LPP: variants seen among roughly 807,000 people sequenced by gnomAD.
The protein encoded by LPP is LIM domain containing preferred translocation partner in lipoma.
Under a neutral mutation model 60.4 loss-of-function variants are expected in LPP, and 38 were observed. The ratio of observed to expected loss-of-function variants is 0.63; its 90% CI spans 0.49 to 0.83. The LOEUF is 0.83. LPP is among the 40% of genes least tolerant of loss of function. The pLI, the probability that LPP is intolerant of heterozygous loss-of-function variation, is 0.00. For synonymous variants in LPP, 328 were observed against 290.8 expected (o/e 1.13, Z -1.30); for missense variants, 902 against 783.6 (o/e 1.15, Z -1.80).
intron 3 of LPP, among the ~76,000 whole-genome samples, chr3:188,369,292 A>G (rs1424691233): frequency 6.6e-6 from 1 of 151,902 alleles, no homozygotes; most frequent in Non-Finnish European, 1.5e-5. Context: ...ATCACAGGAA[A>G]GTTTTTTTTT....
rs1560098679 is a variant in LPP at position 188,192,557 on chromosome 3, A to G, written c.-189-32848A>G. Among the ~76,000 whole-genome samples the G allele has an allele frequency of 2.0e-5, 3 of 152,362 alleles. No homozygotes were observed. In the South Asian group the frequency reaches 6.2e-4, roughly 32 times the overall value. Reference sequence around the variant, plus strand: ...TAGCAAACATTGTTTCTAATCTGACAGTAACTCCATGAAGTAGGAATTTTC... The same window carrying G: ...TAGCAAACATTGTTTCTAATCTGACGGTAACTCCATGAAGTAGGAATTTTC... On this transcript the variant is annotated intron_variant, in intron 1 of 11. Transcript: ENST00000617246.
In LPP at chr3:188,888,812, G is replaced by T; in HGVS notation, c.*14333G>T. On this transcript the variant is annotated 3_prime_UTR_variant, in exon 12 of 12. Coordinates refer to ENST00000617246, the MANE Select transcript of LPP (RefSeq NM_001375462.1). ...CTCTCAAGCGGCTACCGTGAAACGG[G>T]CTGCAAACACATTCCCTGAGCATCC... 4.5e-6 allele frequency: 1 copy of T among 221,182 alleles called. No individual in the cohort carries two copies. Among genetic ancestry groups the T allele is most frequent in the Non-Finnish European group, 9.1e-6 (1 of 110,310 alleles). The allele number at this position is 221,182 out of a possible 1,614,324, so 13.7% of individuals were successfully genotyped here. A position where few individuals can be genotyped will look rare whatever the true frequency, so the allele number is the denominator to read the frequency against.
At chr3:188,332,679 G>C (rs772312075) in intron 2 of LPP, among the ~76,000 whole-genome samples, 3 of 152,324 alleles carry the variant, frequency 2.0e-5, no homozygotes, top group South Asian at 2.1e-4. Flanking sequence ...TAATTTTAGT[G>C]ATCCAGATAT....
At chr3:188,752,114 C>T (rs182687407) in intron 8 of LPP, among the ~76,000 whole-genome samples, 1 of 152,286 alleles carries the variant, frequency 6.6e-6, no homozygotes, top group Admixed American at 6.5e-5. Context: ...AGAAGTAGGT[C>T]TCATGCTGGA....
chr3:188,544,305 G>A (rs1328038330), intron 6 of LPP, among the ~76,000 whole-genome samples: 4 of 152,180 alleles, frequency 2.6e-5, no homozygotes, highest in Non-Finnish European at 5.9e-5. Context: ...GAGTGGCTGT[G>A]TCACCCTGAG....
At chr3:188,422,688 C>T (rs962324423) in intron 4 of LPP, among the ~76,000 whole-genome samples, 1 of 152,152 alleles carries the variant, frequency 6.6e-6, no homozygotes, top group Non-Finnish European at 1.5e-5. Context: ...TGCAGAGCTA[C>T]ATAGTGTAAC....
intron 1 of LPP, among the ~76,000 whole-genome samples, chr3:188,154,987 A>G (rs1055926191): frequency 1.3e-5 from 2 of 152,334 alleles, no homozygotes; most frequent in South Asian, 4.1e-4. Flanking sequence ...TCCTGAAGCC[A>G]GCTAGCGGCT....
At chr3:188,504,176 C>A (rs1812782496) in intron 5 of LPP, among the ~76,000 whole-genome samples, 1 of 152,110 alleles carries the variant, frequency 6.6e-6, no homozygotes, top group Admixed American at 6.5e-5. Context: ...TTACTTTGAC[C>A]TCTCTTCAAG....
At chr3:188,673,328 T>TAAAC (rs67440944) in intron 7 of LPP, among the ~76,000 whole-genome samples, 149,735 of 152,076 alleles carry the variant, frequency 0.98, 73,750 homozygotes, top group East Asian at 1. Flanking sequence ...TGGAAACAAA[T>TAAAC]AACAACAACA....
chr3:188,224,730 G>C (rs1487545885), intron 1 of LPP, among the ~76,000 whole-genome samples: 1 of 152,084 alleles, frequency 6.6e-6, no homozygotes, highest in East Asian at 1.9e-4. Context: ...GTAGGCAGAG[G>C]AGTTGCCACA....
intron 6 of LPP, among the ~76,000 whole-genome samples, chr3:188,550,143 C>T (rs1827705323): frequency 6.6e-6 from 1 of 152,116 alleles, no homozygotes; most frequent in African/African-American, 2.4e-5. Context: ...ACAGAATCCC[C>T]CTATTGGACA....
At chr3:188,631,715 C>T (rs888416183) in intron 7 of LPP, among the ~76,000 whole-genome samples, 2 of 152,108 alleles carry the variant, frequency 1.3e-5, no homozygotes, top group Non-Finnish European at 2.9e-5. Flanking sequence ...ACTTCTGGTC[C>T]CACAAATCTG....
chr3:188,361,479 C>T (rs1351965383), intron 3 of LPP, among the ~76,000 whole-genome samples: 1 of 138,728 alleles, frequency 7.2e-6, no homozygotes, highest in African/African-American at 2.7e-5. Flanking sequence ...CTTCCCTCTC[C>T]TTTCCTTTCT....
chr3:188,249,899 A>T (rs1466000422), intron 2 of LPP, among the ~76,000 whole-genome samples: 98 of 120,398 alleles, frequency 8.1e-4, no homozygotes, highest in African/African-American at 1.6e-3. Flanking sequence ...ATATATATAT[A>T]TATTTTTTTT....
Position 188,889,432 on chromosome 3 carries a change from G to C in LPP, c.*14953G>C. ...CTCAATGTGTCGTCTGACTCAACCA[G>C]CTGGCAGATTACACTTGCCAAGTCG... On this transcript the variant is annotated 3_prime_UTR_variant, in exon 12 of 12. Coordinates refer to ENST00000617246, the MANE Select transcript of LPP (RefSeq NM_001375462.1). The C allele has an allele frequency of 4.3e-6, 1 of 231,666 alleles. No individual in the cohort carries two copies. Among genetic ancestry groups the C allele is most frequent in the Non-Finnish European group, 8.6e-6 (1 of 116,954 alleles). The allele number at this position is 231,666 out of a possible 1,614,324, so 14.4% of individuals were successfully genotyped here. A position where few individuals can be genotyped will look rare whatever the true frequency, so the allele number is the denominator to read the frequency against.
intron 2 of LPP, among the ~76,000 whole-genome samples, chr3:188,287,625 T>C (rs1004406292): frequency 6.6e-6 from 1 of 151,872 alleles, no homozygotes; most frequent in African/African-American, 2.4e-5. Flanking sequence ...AGGAGAGAGG[T>C]AGGAAGGTGG....
intron 7 of LPP, among the ~76,000 whole-genome samples, chr3:188,676,878 T>C (rs6808443): frequency 0.39 from 59,533 of 152,010 alleles, 12,270 homozygotes; most frequent in East Asian, 0.78. Flanking sequence ...GTGATTGTGT[T>C]ATATAAGACT....
chr3:188,246,370 T>G (rs979055778), intron 2 of LPP, among the ~76,000 whole-genome samples: 1 of 152,174 alleles, frequency 6.6e-6, no homozygotes, highest in African/African-American at 2.4e-5. Context: ...ACCCTGCAAT[T>G]TATCTCACTA....
At chr3:188,279,235 T>C (rs1403554180) in intron 2 of LPP, among the ~76,000 whole-genome samples, 1 of 152,234 alleles carries the variant, frequency 6.6e-6, no homozygotes, top group African/African-American at 2.4e-5. Flanking sequence ...TCCAAAGAGC[T>C]GGATTCCAGT....
Sources: gnomAD v4.1 joint callset for allele counts (sites outside exome capture counted in the v4.1 genomes callset) on GRCh38, gnomAD v4.1.1 for gene constraint, MANE v1.5 for transcripts, NCBI Gene and HGNC (gene_info 2026-07-23, HGNC 2026-07-21) for gene names.